The following LY75 variants were observed in gnomAD, a reference collection of about 807,000 sequenced individuals.
LY75 encodes the protein C-type lectin domain family 13 member B.
LY75 carries 185 observed loss-of-function variants against 231.7 expected under a neutral mutation model. The ratio of observed to expected loss-of-function variants is 0.80; its 90% CI spans 0.71 to 0.90. The LOEUF is 0.90. Ranked by LOEUF, LY75 falls within the 40% of genes least tolerant of loss-of-function variation. The pLI, the probability that LY75 is intolerant of heterozygous loss-of-function variation, is 0.00. For synonymous variants in LY75, 668 were observed against 689.0 expected (o/e 0.97, Z 0.48); for missense variants, 1,947 against 2,050.2 (o/e 0.95, Z 0.97).
intron 16 of LY75, 71 bp from the exon 17 acceptor site, chr2:159,855,010 T>C: frequency 1.3e-6 from 2 of 1,590,234 alleles, no homozygotes; most frequent in Non-Finnish European, 1.7e-6. Context: ...GTACGGCCTT[T>C]AATGTAGCTC....
intron 23 of LY75, among the ~76,000 whole-genome samples, chr2:159,845,574 T>G (rs1009401939): frequency 1.4e-4 from 22 of 151,972 alleles, no homozygotes; most frequent in African/African-American, 5.1e-4. Context: ...ACTGAACATG[T>G]AGACTTTTTT....
intron 32 of LY75, among the ~76,000 whole-genome samples, chr2:159,809,179 A>G (rs1682880426): frequency 6.6e-6 from 1 of 152,236 alleles, no homozygotes; most frequent in Non-Finnish European, 1.5e-5. Flanking sequence ...AATAAATTAG[A>G]TAAATGCCAT....
At chr2:159,854,758 A>G in intron 17 of LY75, 146 bp downstream of exon 17, 1 of 1,263,062 alleles carries the variant, frequency 7.9e-7, no homozygotes, top group African/African-American at 1.5e-5. Flanking sequence ...ACCTCATCCC[A>G]TACCAGTCGC....
chr2:159,897,939 C>T (rs12617388), intron 2 of LY75, among the ~76,000 whole-genome samples: 1 of 152,020 alleles, frequency 6.6e-6, no homozygotes, highest in Non-Finnish European at 1.5e-5. Flanking sequence ...TACTTATTTT[C>T]GGAAGCAACT....
chr2:159,823,374 TAAAG>T (rs1364508559), intron 28 of LY75, among the ~76,000 whole-genome samples: 1 of 151,674 alleles, frequency 6.6e-6, no homozygotes, highest in Admixed American at 6.6e-5. Context: ...CTTAATGAAA[TAAAG>T]AGAGAAGACA....
At chr2:159,861,732 T>G (rs1442016090) in intron 14 of LY75, among the ~76,000 whole-genome samples, 1 of 152,328 alleles carries the variant, frequency 6.6e-6, no homozygotes, top group South Asian at 2.1e-4. Context: ...AGTGAGACTC[T>G]GTCATCCCCA....
chr2:159,807,138 G>A lies in LY75; in HGVS notation c.4825C>T (p.Gln1609Ter), dbSNP rs372509596. Residue 1609 changes from glutamine (Q) to a stop codon, truncating the protein, a stop_gained and splice_region_variant, in exon 34 of 35, where the codon CAG (glutamine) becomes TAG (stop). Coordinates refer to ENST00000263636, the MANE Select transcript of LY75 (RefSeq NM_002349.4). LOFTEE classifies it high-confidence loss of function. ...WLGLSQHSVD[Q>*]SWSWLDGSEV... ...GATCCATCTAACCAACTCCAAGACT[G>A]GTCTGAAGAAAGAAATTAAATACAA... The A allele has an allele frequency of 4.4e-6, 7 of 1,605,312 alleles. No individual in the cohort carries two copies. The highest frequency in any genetic ancestry group is 6.0e-6 in the Non-Finnish European group (7 of 1,176,152).
intron 2 of LY75, among the ~76,000 whole-genome samples, chr2:159,896,589 C>G (rs1277877365): frequency 6.6e-6 from 1 of 152,158 alleles, no homozygotes. Flanking sequence ...GTGGGGACAA[C>G]AATCAGTATC....
At chr2:159,857,581 A>G (rs2125858434) in intron 16 of LY75, among the ~76,000 whole-genome samples, 1 of 152,218 alleles carries the variant, frequency 6.6e-6, no homozygotes, top group South Asian at 2.1e-4. Flanking sequence ...GACTCTACTG[A>G]AAATACAAAA....
chr2:159,841,256 T>C (rs1345184768), intron 24 of LY75, among the ~76,000 whole-genome samples: 2 of 152,220 alleles, frequency 1.3e-5, no homozygotes, highest in Admixed American at 1.3e-4. Flanking sequence ...GCTAAATACC[T>C]CTTTTGTTTG....
intron 12 of LY75, among the ~76,000 whole-genome samples, chr2:159,873,777 TGTAAAAATATACATAAATATATACATATA>T (rs1231369855): frequency 2.2e-5 from 2 of 90,808 alleles, no homozygotes; most frequent in East Asian, 2.6e-4. Flanking sequence ...ATATACATTT[TGTAAAAATATACATAAATATATACATATA>T]GTAAAAATAC....
chr2:159,897,620 T>C (rs1053332852), intron 2 of LY75, among the ~76,000 whole-genome samples: 2 of 152,184 alleles, frequency 1.3e-5, no homozygotes, highest in Non-Finnish European at 2.9e-5. Flanking sequence ...CAAGCTGCTA[T>C]AGTGACTTTG....
intron 23 of LY75, among the ~76,000 whole-genome samples, chr2:159,846,877 TTA>T (rs1684218072): frequency 6.6e-6 from 1 of 152,178 alleles, no homozygotes; most frequent in South Asian, 2.1e-4. Context: ...CTACGAATGA[TTA>T]TTTAACTTAT....
At chr2:159,816,695 A>G in intron 30 of LY75, 111 bp downstream of exon 30, 1 of 1,445,338 alleles carries the variant, frequency 6.9e-7, no homozygotes, top group Non-Finnish European at 9.3e-7. Context: ...ATGCAAGCGG[A>G]GTCCCAGTAC....
chr2:159,859,364 C>A (rs1362262805), intron 15 of LY75, among the ~76,000 whole-genome samples: 1 of 152,158 alleles, frequency 6.6e-6, no homozygotes, highest in Non-Finnish European at 1.5e-5. Flanking sequence ...TCTGGTCAGC[C>A]ACCTTGTTGA....
At chr2:159,821,608 A>G (rs532480154) in intron 28 of LY75, among the ~76,000 whole-genome samples, 1 of 138,378 alleles carries the variant, frequency 7.2e-6, no homozygotes, top group Non-Finnish European at 1.6e-5. Context: ...GACAAGAGCA[A>G]AAGTCTGTCT....
At chr2:159,814,257 A>G (rs1683052067) in intron 31 of LY75, among the ~76,000 whole-genome samples, 1 of 152,208 alleles carries the variant, frequency 6.6e-6, no homozygotes. Context: ...TCCAGCCTCT[A>G]ATGGAAGAGG....
intron 14 of LY75, among the ~76,000 whole-genome samples, 167 bp downstream of exon 14, chr2:159,864,672 T>C (rs1366174874): frequency 1.3e-5 from 2 of 152,132 alleles, no homozygotes; most frequent in African/African-American, 2.4e-5. Context: ...GCTCAGGTAG[T>C]GTGATGGCCT....
Position 159,904,715 on chromosome 2 carries a change from T to C in LY75, c.-33A>G, listed in dbSNP as rs973845559. The C allele has an allele frequency of 7.2e-7, 1 of 1,393,568 alleles. No homozygotes were observed. The highest frequency in any genetic ancestry group is 9.2e-7 in the Non-Finnish European group (1 of 1,081,346). The allele number at this position is 1,393,568 out of a possible 1,614,324, so 86.3% of individuals were successfully genotyped here. On this transcript the variant is annotated 5_prime_UTR_variant, in exon 1 of 35. Transcript: ENST00000263636. ...TGGCGCAAGCCTTCCGGCCGGGTCCTCGGGCGCACGCGGCTCCCGCCCCGC... is the reference window on the plus strand; with the variant it reads ...TGGCGCAAGCCTTCCGGCCGGGTCCCCGGGCGCACGCGGCTCCCGCCCCGC...
Sources: gnomAD v4.1 joint callset for allele counts (sites outside exome capture counted in the v4.1 genomes callset) on GRCh38, gnomAD v4.1.1 for gene constraint, MANE v1.5 for transcripts, NCBI Gene and HGNC (gene_info 2026-07-23, HGNC 2026-07-21) for gene names.